Variants in LRMDA observed in about 807,000 individuals in gnomAD.
LRMDA encodes the protein leucine rich melanocyte differentiation associated.
Under a neutral mutation model 29.8 loss-of-function variants are expected in LRMDA, and 18 were observed. That is an observed-to-expected ratio of 0.60 (90% CI 0.42 to 0.90). The LOEUF (loss-of-function observed/expected upper bound fraction) is 0.90. Among genes scored for constraint, LRMDA ranks in the 40% least tolerant of loss-of-function variants. The pLI is 0.00. For missense variants in LRMDA, 273 were observed against 273.9 expected, an observed-to-expected ratio of 1.00 and a Z score of 0.02; for synonymous variants, 125 against 109.4, an observed-to-expected ratio of 1.14 and a Z score of -0.89.
chr10:76,185,691 G>A (rs1303605031), intron 5 of LRMDA, among the ~76,000 whole-genome samples: 1 of 152,150 alleles, frequency 6.6e-6, no homozygotes, highest in Non-Finnish European at 1.5e-5. Context: ...AGGATGCCGG[G>A]CACATTTGTA....
intron 5 of LRMDA, among the ~76,000 whole-genome samples, chr10:76,184,174 G>A (rs562308437): frequency 6.6e-6 from 1 of 152,154 alleles, no homozygotes; most frequent in South Asian, 2.1e-4. Flanking sequence ...GGGATTACAG[G>A]CTCGCACCAC....
intron 5 of LRMDA, among the ~76,000 whole-genome samples, chr10:76,069,614 T>C (rs1042855600): frequency 1.3e-5 from 2 of 152,142 alleles, no homozygotes; most frequent in Admixed American, 6.5e-5. Flanking sequence ...TTTTTTTTTT[T>C]TCTTTTTTGA....
intron 2 of LRMDA, among the ~76,000 whole-genome samples, chr10:75,741,933 A>G (rs1019872605): frequency 6.6e-6 from 1 of 152,134 alleles, no homozygotes; most frequent in African/African-American, 2.4e-5. Flanking sequence ...TACCCTTATA[A>G]AAGGAATCCG....
chr10:75,595,687 G>A (rs1412857535), intron 2 of LRMDA, among the ~76,000 whole-genome samples: 1 of 151,062 alleles, frequency 6.6e-6, no homozygotes, highest in East Asian at 1.9e-4. Flanking sequence ...TAATTTAAAA[G>A]CAAATTATAT....
At chr10:75,767,617 T>A (rs535360076) in intron 2 of LRMDA, among the ~76,000 whole-genome samples, 61 of 152,308 alleles carry the variant, frequency 4.0e-4, no homozygotes, top group Non-Finnish European at 7.8e-4. Context: ...GCCAGAAAAC[T>A]TAACGTGATT....
At chr10:76,011,363 T>C (rs1054880311) in intron 2 of LRMDA, among the ~76,000 whole-genome samples, 1 of 152,098 alleles carries the variant, frequency 6.6e-6, no homozygotes, top group African/African-American at 2.4e-5. Flanking sequence ...CCACTTCCAA[T>C]CCCCTAAAAA....
chr10:75,948,024 A>C (rs1846506851), intron 2 of LRMDA, among the ~76,000 whole-genome samples: 1 of 152,228 alleles, frequency 6.6e-6, no homozygotes, highest in Admixed American at 6.5e-5. Flanking sequence ...GCCTTGAATG[A>C]AATAAATTGT....
At chr10:75,857,572 A>G (rs1335812993) in intron 2 of LRMDA, among the ~76,000 whole-genome samples, 2 of 152,240 alleles carry the variant, frequency 1.3e-5, no homozygotes, top group African/African-American at 4.8e-5. Context: ...CAGAGGGCCA[A>G]TAAATAACTT....
chr10:75,532,667 G>A (rs1214449925), intron 2 of LRMDA, among the ~76,000 whole-genome samples: 2 of 152,024 alleles, frequency 1.3e-5, no homozygotes, highest in Admixed American at 6.5e-5. Context: ...GTCATTCTCA[G>A]TATGGTTGAG....
intron 2 of LRMDA, among the ~76,000 whole-genome samples, chr10:75,484,627 T>C (rs1057222604): frequency 4.6e-5 from 7 of 152,164 alleles, no homozygotes; most frequent in Admixed American, 4.6e-4. Flanking sequence ...ATGAGGCCTT[T>C]AGGAAGGTAA....
chr10:76,152,331 A>G (rs1850461150), intron 5 of LRMDA, among the ~76,000 whole-genome samples: 1 of 152,160 alleles, frequency 6.6e-6, no homozygotes, highest in African/African-American at 2.4e-5. Flanking sequence ...GATGATTCTT[A>G]TTGTATCATA....
intron 5 of LRMDA, among the ~76,000 whole-genome samples, chr10:76,238,739 G>A (rs77620795): frequency 2.0e-5 from 3 of 149,896 alleles, no homozygotes; most frequent in Non-Finnish European, 3.0e-5. Context: ...TGATGATGAT[G>A]ATAATAGCTA....
intron 6 of LRMDA, among the ~76,000 whole-genome samples, chr10:76,496,537 G>T (rs1842880322): frequency 1.3e-5 from 1 of 75,414 alleles, no homozygotes; most frequent in Admixed American, 1.2e-4. Context: ...GGTGGGTGGA[G>T]GGTGGGTATG....
intron 2 of LRMDA, among the ~76,000 whole-genome samples, chr10:75,934,707 T>C (rs991985663): frequency 3.9e-5 from 6 of 152,060 alleles, no homozygotes; most frequent in Non-Finnish European, 8.8e-5. Flanking sequence ...TGCCTGCAAA[T>C]GGTGTTGATG....
At chr10:76,366,254 A>G (rs1841391063) in intron 6 of LRMDA, among the ~76,000 whole-genome samples, 1 of 152,032 alleles carries the variant, frequency 6.6e-6, no homozygotes, top group South Asian at 2.1e-4. Context: ...GCATTTTAGA[A>G]TTGTTTTTTC....
chr10:75,458,991 C>A (rs1035970372), intron 2 of LRMDA, among the ~76,000 whole-genome samples: 4 of 113,100 alleles, frequency 3.5e-5, no homozygotes, highest in African/African-American at 1.4e-4. Context: ...ACTTCAGGGT[C>A]TGCTTTAGAT....
At chr10:75,674,691 A>G (rs1841940185) in intron 2 of LRMDA, among the ~76,000 whole-genome samples, 1 of 152,122 alleles carries the variant, frequency 6.6e-6, no homozygotes. Context: ...CTGATAAGCG[A>G]GCAGGGAGTT....
chr10:76,371,586 A>G (rs768039514), intron 6 of LRMDA, among the ~76,000 whole-genome samples: 4 of 152,136 alleles, frequency 2.6e-5, no homozygotes, highest in Non-Finnish European at 4.4e-5. Context: ...ATAAATAAGT[A>G]TAGTCTAGGG....
At chr10:76,450,856 C>T (rs757340084) in intron 6 of LRMDA, among the ~76,000 whole-genome samples, 10 of 152,114 alleles carry the variant, frequency 6.6e-5, no homozygotes, top group Non-Finnish European at 1.5e-4. Flanking sequence ...GTCTGTTTTA[C>T]AGAGTTTTTG....
Sources: gnomAD v4.1 joint callset for allele counts (sites outside exome capture counted in the v4.1 genomes callset) on GRCh38, gnomAD v4.1.1 for gene constraint, MANE v1.5 for transcripts, NCBI Gene and HGNC (gene_info 2026-07-23, HGNC 2026-07-21) for gene names.